SEMA6D: variants seen among roughly 807,000 people sequenced by gnomAD.
SEMA6D encodes the protein semaphorin 6D.
SEMA6D carries 35 observed loss-of-function variants against 106.6 expected under a neutral mutation model. The ratio of observed to expected loss-of-function variants is 0.33; its 90% CI spans 0.25 to 0.44. The LOEUF is 0.44. SEMA6D is among the 20% of genes least tolerant of loss of function. The pLI is 1.00. For missense variants in SEMA6D, 1,185 were observed against 1,345.9 expected (o/e 0.88, Z 1.87); for synonymous variants, 499 against 487.7 (o/e 1.02, Z -0.31).
chr15:47,766,102 C>G lies in SEMA6D; in HGVS notation c.1569-3C>G. ...AAGTTACATTCTGTTTGGTTTTACA[C>G]AGGTCTTGTATTGCATCTCGTGACC... On this transcript the variant is annotated splice_polypyrimidine_tract_variant and splice_region_variant and intron_variant, in intron 14 of 18. Transcript: ENST00000536845. 1 of 1,613,594 alleles carries G rather than the reference C, an allele frequency of 6.2e-7. No homozygotes were observed. The highest frequency in any genetic ancestry group is 8.5e-7 in the Non-Finnish European group (1 of 1,179,666).
intron 4 of SEMA6D, among the ~76,000 whole-genome samples, chr15:47,621,183 T>C (rs2077091218): frequency 6.6e-6 from 1 of 152,138 alleles, no homozygotes; most frequent in African/African-American, 2.4e-5. Flanking sequence ...GCATGCATGC[T>C]CAAGCACCCA....
chr15:47,718,243 C>G (rs911950107), intron 1 of SEMA6D, among the ~76,000 whole-genome samples: 1 of 152,320 alleles, frequency 6.6e-6, no homozygotes, highest in Admixed American at 6.5e-5. Flanking sequence ...CCCGTTGGCC[C>G]CAGAGCGGAC....
At chr15:47,492,742 G>A (rs571591807) in intron 3 of SEMA6D, among the ~76,000 whole-genome samples, 44 of 152,228 alleles carry the variant, frequency 2.9e-4, no homozygotes, top group African/African-American at 8.4e-4. Flanking sequence ...GGGGTTTTAT[G>A]GAGGAAGCAT....
chr15:47,294,304 A>G (rs1210667891), intron 1 of SEMA6D, among the ~76,000 whole-genome samples: 1 of 151,754 alleles, frequency 6.6e-6, no homozygotes, highest in Non-Finnish European at 1.5e-5. Flanking sequence ...GCTCACTGCA[A>G]CCTCTACCTC....
intron 2 of SEMA6D, among the ~76,000 whole-genome samples, chr15:47,427,535 TC>T (rs985933609): frequency 6.6e-6 from 1 of 152,180 alleles, no homozygotes; most frequent in Non-Finnish European, 1.5e-5. Flanking sequence ...AGAAATACTA[TC>T]TTTTATATCT....
At chr15:47,287,589 A>T (rs1037076132) in intron 1 of SEMA6D, among the ~76,000 whole-genome samples, 11 of 152,136 alleles carry the variant, frequency 7.2e-5, no homozygotes, top group Admixed American at 7.2e-4. Context: ...TATACCTCAG[A>T]ATCAGCTCTG....
intron 2 of SEMA6D, among the ~76,000 whole-genome samples, chr15:47,447,631 C>G (rs35657896): frequency 6.6e-6 from 1 of 152,088 alleles, no homozygotes; most frequent in African/African-American, 2.4e-5. Flanking sequence ...TTTGTATCCT[C>G]TAAAATATCC....
chr15:47,338,533 T>A (rs2037668376), intron 1 of SEMA6D, among the ~76,000 whole-genome samples: 1 of 151,972 alleles, frequency 6.6e-6, no homozygotes, highest in South Asian at 2.1e-4. Flanking sequence ...AAAAATTAAA[T>A]TAGAAAAAAA....
intron 3 of SEMA6D, among the ~76,000 whole-genome samples, chr15:47,491,956 T>C (rs2043489773): frequency 6.6e-6 from 1 of 152,186 alleles, no homozygotes; most frequent in Non-Finnish European, 1.5e-5. Context: ...AGCTAGTTAT[T>C]AGCTTTGTAA....
intron 1 of SEMA6D, among the ~76,000 whole-genome samples, chr15:47,348,725 C>CAGAGAGAGAGAGAGAGAGAGAGAGAG (rs1398441234): frequency 1.5e-4 from 7 of 47,758 alleles, no homozygotes; most frequent in Admixed American, 3.0e-4. Context: ...ACACCACACA[C>CAGAGAGAGAGAGAGAGAGAGAGAGAG]ACAGAGAGAG....
At chr15:47,755,181 A>G (rs925789750) in intron 1 of SEMA6D, among the ~76,000 whole-genome samples, 3 of 151,844 alleles carry the variant, frequency 2.0e-5, no homozygotes, top group Admixed American at 1.3e-4. Flanking sequence ...CAAACTCCTG[A>G]CCTCATGATC....
intron 2 of SEMA6D, 116 bp from the exon 3 acceptor site, chr15:47,760,188 A>G: frequency 1.4e-6 from 1 of 718,104 alleles, no homozygotes; most frequent in Non-Finnish European, 2.3e-6. Context: ...CAAGACCTTA[A>G]GAGAGGAATT....
chr15:47,212,632 T>C (rs2030151882), intron 1 of SEMA6D, among the ~76,000 whole-genome samples: 1 of 152,218 alleles, frequency 6.6e-6, no homozygotes, highest in Non-Finnish European at 1.5e-5. Context: ...AAGTCTATAC[T>C]GTTTCTCAAA....
intron 3 of SEMA6D, among the ~76,000 whole-genome samples, chr15:47,508,354 C>CA (rs1262092699): frequency 1.3e-5 from 2 of 152,158 alleles, no homozygotes; most frequent in Non-Finnish European, 2.9e-5. Context: ...TTTGGCATTG[C>CA]AAAATGTTCA....
chr15:47,215,520 A>T (rs1273632702), intron 1 of SEMA6D, among the ~76,000 whole-genome samples: 2 of 152,184 alleles, frequency 1.3e-5, no homozygotes, highest in South Asian at 4.1e-4. Context: ...GCTCATATAT[A>T]TTTACAAGAA....
At chr15:47,621,459 TC>T (rs1341745307) in intron 4 of SEMA6D, among the ~76,000 whole-genome samples, 12 of 152,240 alleles carry the variant, frequency 7.9e-5, no homozygotes, top group Middle Eastern at 6.8e-3. Flanking sequence ...CTTTAGATCT[TC>T]CTTGGCAAGG....
intron 1 of SEMA6D, among the ~76,000 whole-genome samples, chr15:47,353,824 A>G (rs1231041573): frequency 1.3e-5 from 2 of 152,162 alleles, no homozygotes; most frequent in African/African-American, 4.8e-5. Context: ...TATCATTTGT[A>G]TAAAACACTG....
At chr15:47,535,227 A>C (rs1241159553) in intron 3 of SEMA6D, among the ~76,000 whole-genome samples, 1 of 152,134 alleles carries the variant, frequency 6.6e-6, no homozygotes, top group Non-Finnish European at 1.5e-5. Flanking sequence ...ATGCTTACTT[A>C]TGTGTACCCG....
At chr15:47,667,208 A>G (rs948453046) in intron 4 of SEMA6D, among the ~76,000 whole-genome samples, 2 of 152,292 alleles carry the variant, frequency 1.3e-5, no homozygotes, top group Middle Eastern at 3.4e-3. Flanking sequence ...TACACCATTA[A>G]ATTCTGGAAT....
Sources: allele counts gnomAD v4.1 joint callset (sites outside exome capture counted in the v4.1 genomes callset), GRCh38; gene constraint gnomAD v4.1.1; transcripts MANE v1.5; gene names NCBI Gene and HGNC (gene_info 2026-07-23, HGNC 2026-07-21).